The following COL4A2 variants were observed in gnomAD, a reference collection of about 807,000 sequenced individuals.
COL4A2 encodes the protein collagen alpha-2(IV) chain.
A neutral mutation model predicts 200.2 loss-of-function variants in COL4A2; 99 were observed. The observed-to-expected ratio is 0.49, with a 90% confidence interval of 0.42 to 0.58. The LOEUF is 0.58. COL4A2 is among the 20% of genes least tolerant of loss of function. COL4A2 has a pLI of 0.00. For synonymous variants in COL4A2, 897 were observed against 900.6 expected (o/e 1.00, Z 0.07); for missense variants, 1,950 against 2,314.1 (o/e 0.84, Z 3.23).
chr13:110,322,621 C>G (rs1225643613), intron 3 of COL4A2, among the ~76,000 whole-genome samples: 1 of 152,144 alleles, frequency 6.6e-6, no homozygotes, highest in African/African-American at 2.4e-5. Context: ...CATGGCTTCA[C>G]CAAACTGACG....
At chr13:110,366,382 C>G (rs7333748) in intron 4 of COL4A2, among the ~76,000 whole-genome samples, 60,948 of 152,074 alleles carry the variant, frequency 0.4, 12,344 homozygotes, top group Middle Eastern at 0.57. Flanking sequence ...GGGTTTATCT[C>G]AGCGGTCCTT....
chr13:110,332,045 T>C (rs1009678229), intron 3 of COL4A2, among the ~76,000 whole-genome samples: 1 of 152,254 alleles, frequency 6.6e-6, no homozygotes, highest in South Asian at 2.1e-4. Context: ...CATTCATTAA[T>C]TCTAAATTTT....
Position 110,466,044 on chromosome 13 carries a change from C to T in COL4A2, c.2020C>T (p.Gln674Ter). Residue 674 changes from glutamine (Q) to a stop codon, truncating the protein, a stop_gained, in exon 26 of 48, where the codon CAG (glutamine) becomes TAG (stop). Coordinates refer to ENST00000360467, the MANE Select transcript of COL4A2 (RefSeq NM_001846.4). LOFTEE classifies it high-confidence loss of function. ...DVKRAVGGDR[Q>*]EAIQPGCIGG... ...GAAAAGGGCCGTTGGAGGTGACAGACAGGAGGCCATCCAGCCAGGTACTCT... is the reference window on the plus strand; with the variant it reads ...GAAAAGGGCCGTTGGAGGTGACAGATAGGAGGCCATCCAGCCAGGTACTCT... The T allele has an allele frequency of 6.2e-7, 1 of 1,613,826 alleles. No individual in the cohort carries two copies. The highest frequency in any genetic ancestry group is 8.5e-7 in the Non-Finnish European group (1 of 1,179,730).
intron 4 of COL4A2, among the ~76,000 whole-genome samples, chr13:110,360,352 AT>A: frequency 6.6e-6 from 1 of 152,304 alleles, no homozygotes; most frequent in Non-Finnish European, 1.5e-5. Flanking sequence ...ACATAGTAAC[AT>A]TTTCCATAAT....
At chr13:110,438,810 C>CCCCACA (rs372770020) in intron 15 of COL4A2, 142 bp downstream of exon 15, 39 of 653,864 alleles carry the variant, frequency 6.0e-5, no homozygotes, top group South Asian at 1.5e-4. Context: ...CCACCCCCCC[C>CCCCACA]CACACACACA....
intron 4 of COL4A2, among the ~76,000 whole-genome samples, chr13:110,365,028 A>G (rs2139395928): frequency 6.6e-6 from 1 of 152,350 alleles, no homozygotes; most frequent in East Asian, 1.9e-4. Flanking sequence ...ATATATACTA[A>G]GTATTTGTTG....
chr13:110,405,197 C>A lies in COL4A2; in HGVS notation c.181-19537C>A, dbSNP rs182816014. Among the ~76,000 whole-genome samples, 6 of 152,302 alleles carry A rather than the reference C, an allele frequency of 3.9e-5. No individual in the cohort carries two copies. In the East Asian group the frequency reaches 9.6e-4, roughly 24 times the overall value. On this transcript the variant is annotated intron_variant, in intron 4 of 47. Coordinates refer to ENST00000360467, the MANE Select transcript of COL4A2 (RefSeq NM_001846.4). ...GGTGGTACCTGGAGGGAGATCTGGG[C>A]TACAGAGAAACGTTTTAGAAAATCC...
rs552306806 is a variant in COL4A2, at chr13:110,308,061, C to T, written c.45-8C>T. 5 of 1,613,800 alleles carry T rather than the reference C, an allele frequency of 3.1e-6. No homozygotes were observed. In the Admixed American group the frequency reaches 5.0e-5, roughly 16 times the overall value. ...GTTCACGTCTCTCTTCCTCCCTTTC[C>T]CATGCAGGTGGCTGCTGCTGGGGAC... On this transcript the variant is annotated splice_region_variant and splice_polypyrimidine_tract_variant and intron_variant, in intron 2 of 47. Coordinates refer to ENST00000360467, the MANE Select transcript of COL4A2 (RefSeq NM_001846.4).
intron 4 of COL4A2, among the ~76,000 whole-genome samples, chr13:110,390,381 C>A (rs1373078990): frequency 1.3e-5 from 2 of 152,258 alleles, no homozygotes; most frequent in African/African-American, 4.8e-5. Context: ...AGTGACCCTG[C>A]ACAGGGAGCC....
intron 34 of COL4A2, 102 bp from the exon 35 acceptor site, chr13:110,489,343 G>C: frequency 8.8e-7 from 1 of 1,133,570 alleles, no homozygotes; most frequent in South Asian, 1.3e-5. Flanking sequence ...CAAACCTTGA[G>C]TATTGTCGTT....
chr13:110,310,667 G>A (rs1190904150), intron 3 of COL4A2, among the ~76,000 whole-genome samples: 3 of 152,076 alleles, frequency 2.0e-5, no homozygotes, highest in Non-Finnish European at 4.4e-5. Flanking sequence ...CTTAATTGTG[G>A]CAAGGACTCT....
At chr13:110,482,361 G>A (rs897657021) in intron 31 of COL4A2, among the ~76,000 whole-genome samples, 155 bp from the exon 32 acceptor site, 12 of 152,260 alleles carry the variant, frequency 7.9e-5, no homozygotes, top group African/African-American at 2.7e-4. Flanking sequence ...ACAGAGAGAA[G>A]TTGCTTAGAA....
At chr13:110,341,622 C>T (rs1175927824) in intron 3 of COL4A2, among the ~76,000 whole-genome samples, 1 of 152,226 alleles carries the variant, frequency 6.6e-6, no homozygotes, top group South Asian at 2.1e-4. Flanking sequence ...AGGAGCAGAG[C>T]AGGAGCCTTC....
intron 4 of COL4A2, among the ~76,000 whole-genome samples, chr13:110,413,386 G>C (rs1879920563): frequency 6.6e-6 from 1 of 152,228 alleles, no homozygotes; most frequent in South Asian, 2.1e-4. Context: ...TGTGGGTACA[G>C]AGATGTAGTA....
chr13:110,430,910 A>G (rs1594210143), intron 10 of COL4A2: 1 of 590,198 alleles, frequency 1.7e-6, no homozygotes, highest in East Asian at 3.8e-5. Context: ...CAGACAGCCC[A>G]TCATCCCTGG....
chr13:110,503,778 A>G, intron 43 of COL4A2, 69 bp from the exon 44 acceptor site: 3 of 1,576,570 alleles, frequency 1.9e-6, no homozygotes, highest in South Asian at 1.1e-5. Flanking sequence ...TGAGAAACGC[A>G]GTAGCACTCG....
chr13:110,402,961 A>G (rs1251935342), intron 4 of COL4A2, among the ~76,000 whole-genome samples: 1 of 152,184 alleles, frequency 6.6e-6, no homozygotes, highest in African/African-American at 2.4e-5. Context: ...GACCCACTGG[A>G]GCCACAGCTG....
chr13:110,512,763 C>T lies in COL4A2; in HGVS notation c.*572C>T, dbSNP rs1448470910. The T allele has an allele frequency of 6.4e-6, 1 of 156,302 alleles. No homozygotes were observed. The highest frequency in any genetic ancestry group is 2.4e-5 in the African/African-American group (1 of 41,598). The allele number at this position is 156,302 out of a possible 1,614,324, so 9.7% of individuals were successfully genotyped here. A position where few individuals can be genotyped will look rare whatever the true frequency, so the allele number is the denominator to read the frequency against. Reference sequence around the variant, plus strand: ...CTTTATTTTAAAAAACACTGATAATCACACTGCGGTAGGTCATTCTTTTGC... The same window carrying T: ...CTTTATTTTAAAAAACACTGATAATTACACTGCGGTAGGTCATTCTTTTGC... On this transcript the variant is annotated 3_prime_UTR_variant, in exon 48 of 48. Coordinates refer to ENST00000360467, the MANE Select transcript of COL4A2 (RefSeq NM_001846.4).
At position 110,370,203 on chromosome 13, in the gene COL4A2, C is replaced by CA. The variant is rs1405441876; in HGVS notation, c.180+12659dup. On this transcript the variant is annotated intron_variant, in intron 4 of 47. Coordinates refer to ENST00000360467, the MANE Select transcript of COL4A2 (RefSeq NM_001846.4). ...TGGCTCACTAGTAATGTATTTCTAC[C>CA]AAAAAAAAGAAAAAAAAAACAAGGG... 2.0e-3 allele frequency among the ~76,000 whole-genome samples: 164 copies of CA among 81,816 alleles called. No homozygotes were observed. In the Middle Eastern group the frequency reaches 0.083, roughly 42 times the overall value. The allele number at this position is 81,816 out of a possible 152,430, so 53.7% of individuals were successfully genotyped here.
Sources: allele counts gnomAD v4.1 joint callset (sites outside exome capture counted in the v4.1 genomes callset), GRCh38; gene constraint gnomAD v4.1.1; transcripts MANE v1.5; gene names NCBI Gene and HGNC (gene_info 2026-07-23, HGNC 2026-07-21).